Variants in MAMDC2 observed in about 807,000 individuals in gnomAD.
MAMDC2 encodes MAM domain-containing protein 2.
A neutral mutation model predicts 89.8 loss-of-function variants in MAMDC2; 57 were observed. The observed-to-expected ratio is 0.63, with a 90% CI of 0.51 to 0.79. The LOEUF (loss-of-function observed/expected upper bound fraction) is 0.79, where lower values mean the gene tolerates loss of function less well. Ranked by LOEUF, MAMDC2 falls within the 30% of genes least tolerant of loss-of-function variation. The pLI, the probability that MAMDC2 is intolerant of heterozygous loss-of-function variation, is 0.00. For synonymous variants in MAMDC2, 313 were observed against 293.4 expected (o/e 1.07, Z -0.68); for missense variants, 800 against 820.6 (o/e 0.97, Z 0.31).
At chr9:70,223,635 T>A (rs984897837) in intron 12 of MAMDC2, among the ~76,000 whole-genome samples, 1 of 152,218 alleles carries the variant, frequency 6.6e-6, no homozygotes, top group African/African-American at 2.4e-5. Context: ...CCTTAAAATT[T>A]CAAACTATCC....
At chr9:70,066,588 C>T (rs887153241) in intron 2 of MAMDC2, among the ~76,000 whole-genome samples, 2 of 152,086 alleles carry the variant, frequency 1.3e-5, no homozygotes, top group Admixed American at 6.6e-5. Flanking sequence ...TACTGCAGGG[C>T]CATGGTGTAT....
intron 11 of MAMDC2, among the ~76,000 whole-genome samples, chr9:70,191,218 T>G (rs939276196): frequency 4.6e-5 from 7 of 152,072 alleles, no homozygotes; most frequent in Admixed American, 6.6e-5. Context: ...ATTGTGACAG[T>G]TTTTTTGCAA....
At chr9:70,192,774 T>G (rs1477323906) in intron 11 of MAMDC2, among the ~76,000 whole-genome samples, 3 of 152,122 alleles carry the variant, frequency 2.0e-5, no homozygotes, top group African/African-American at 7.2e-5. Flanking sequence ...AACGGGATTT[T>G]GCAGTAGGGA....
chr9:70,143,465 C>A, intron 8 of MAMDC2, 89 bp from the exon 9 acceptor site: 3 of 1,409,076 alleles, frequency 2.1e-6, no homozygotes, highest in Middle Eastern at 1.9e-4. Flanking sequence ...ATAGTCTTTG[C>A]TGTCTAGTTC....
At chr9:70,136,445 AAG>A (rs2031015376) in intron 7 of MAMDC2, among the ~76,000 whole-genome samples, 1 of 152,186 alleles carries the variant, frequency 6.6e-6, no homozygotes, top group Admixed American at 6.5e-5. Context: ...TCACCTACTG[AAG>A]GACATAGCTT....
At chr9:70,143,440 T>C in intron 8 of MAMDC2, 114 bp from the exon 9 acceptor site, 1 of 1,196,322 alleles carries the variant, frequency 8.4e-7, no homozygotes, top group South Asian at 1.5e-5. Context: ...CTTTCTATCA[T>C]TTAAAGCATA....
At chr9:70,212,956 A>G (rs2118672393) in intron 11 of MAMDC2, among the ~76,000 whole-genome samples, 1 of 152,292 alleles carries the variant, frequency 6.6e-6, no homozygotes, top group Middle Eastern at 3.4e-3. Flanking sequence ...ATTTAGTTAG[A>G]GTCCAAACCT....
chr9:70,158,673 CACTT>C (rs2031854599), intron 9 of MAMDC2, among the ~76,000 whole-genome samples: 1 of 151,760 alleles, frequency 6.6e-6, no homozygotes, highest in Non-Finnish European at 1.5e-5. Flanking sequence ...AGTCATGTAT[CACTT>C]AATGATAAGG....
At chr9:70,168,279 G>A (rs62570306) in intron 9 of MAMDC2, among the ~76,000 whole-genome samples, 20,762 of 152,128 alleles carry the variant, frequency 0.14, 1,687 homozygotes, top group African/African-American at 0.23. Flanking sequence ...ATCACCTGAG[G>A]TCAGGAGTTT....
At chr9:70,051,332 C>T (rs1826888722) in intron 2 of MAMDC2, among the ~76,000 whole-genome samples, 1 of 152,170 alleles carries the variant, frequency 6.6e-6, no homozygotes, top group Non-Finnish European at 1.5e-5. Context: ...CAAATCCTGG[C>T]CTGATCCCTA....
intron 2 of MAMDC2, among the ~76,000 whole-genome samples, chr9:70,078,353 C>A (rs1344532508): frequency 6.6e-6 from 1 of 152,160 alleles, no homozygotes; most frequent in African/African-American, 2.4e-5. Context: ...TATGCTACGT[C>A]AACCTAAAGT....
intron 11 of MAMDC2, among the ~76,000 whole-genome samples, chr9:70,186,500 T>A (rs2032757404): frequency 6.6e-6 from 1 of 152,220 alleles, no homozygotes; most frequent in South Asian, 2.1e-4. Context: ...TTCCATCATA[T>A]CTATTGAGAA....
rs2031299893 is a variant in MAMDC2 at position 70,143,642 on chromosome 9, G to T, written c.1227G>T (p.Gln409His). 1 of 1,614,068 alleles carries T rather than the reference G, an allele frequency of 6.2e-7. No homozygotes were observed. Among genetic ancestry groups the T allele is most frequent in the African/African-American group, 1.3e-5 (1 of 74,926 alleles). The change falls in exon 9 of 14, where the codon CAG becomes CAT. Residue 409 changes from glutamine (Q) to histidine (H), a missense_variant. Coordinates refer to ENST00000377182, the MANE Select transcript of MAMDC2 (RefSeq NM_153267.5). ...GGCCCTCCCTACCAGGAAACTTGCA[G>T]TATTGTCTGCGTTTTCATTATGCCA... is the stretch of plus-strand genomic sequence containing the variant. ...LYGPSLPGNLQYCLRFHYAIY... is the reference protein window; with the variant it reads ...LYGPSLPGNLHYCLRFHYAIY...
intron 9 of MAMDC2, among the ~76,000 whole-genome samples, chr9:70,164,286 T>A (rs965416209): frequency 2.0e-5 from 3 of 152,194 alleles, no homozygotes; most frequent in African/African-American, 7.2e-5. Flanking sequence ...CTGTTGTGGA[T>A]TTTAAAAAGC....
rs1216523643 is a variant in MAMDC2, at chr9:70,225,991, T to C, written c.2020T>C (p.Ser674Pro). 1.6e-5 allele frequency: 25 copies of C among 1,588,144 alleles called. No homozygotes were observed. Among genetic ancestry groups the C allele is most frequent in the Non-Finnish European group, 2.1e-5 (24 of 1,164,540 alleles). The change falls in exon 14 of 14, where the codon TCA (serine) becomes CCA (proline). Residue 674 changes from serine (S) to proline (P), a missense_variant. Physicochemically the swap from Ser to Pro is moderately conservative, Grantham distance 74. Transcript: ENST00000377182. Reference sequence around the variant, plus strand: ...AGAAATGGAAGATACAACTCAACAATCATCAGGATATTCTGAGGACTTAAA... The same window carrying C: ...AGAAATGGAAGATACAACTCAACAACCATCAGGATATTCTGAGGACTTAAA... Reference protein sequence around the residue: ...CGEMEDTTQQSSGYSEDLNEI... With the variant: ...CGEMEDTTQQPSGYSEDLNEI...
chr9:70,096,452 G>C (rs1828030165), intron 2 of MAMDC2, among the ~76,000 whole-genome samples: 1 of 152,206 alleles, frequency 6.6e-6, no homozygotes, highest in Non-Finnish European at 1.5e-5. Context: ...AAAGAGGGAG[G>C]AAAGGAGAGG....
At chr9:70,223,036 G>A (rs963355431) in intron 12 of MAMDC2, among the ~76,000 whole-genome samples, 2 of 150,258 alleles carry the variant, frequency 1.3e-5, no homozygotes, top group Admixed American at 6.7e-5. Flanking sequence ...CTACTAAGGC[G>A]CCTAAGGCAA....
chr9:70,117,904 T>A (rs1369445862), intron 5 of MAMDC2, among the ~76,000 whole-genome samples: 1 of 152,180 alleles, frequency 6.6e-6, no homozygotes, highest in Non-Finnish European at 1.5e-5. Context: ...CTTGCAAGCA[T>A]GCACAGTAAT....
intron 5 of MAMDC2, among the ~76,000 whole-genome samples, chr9:70,115,003 A>G (rs1363590701): frequency 6.6e-6 from 1 of 152,206 alleles, no homozygotes; most frequent in Non-Finnish European, 1.5e-5. Context: ...GTTGTGCTAC[A>G]AGGGGTGGAT....
Sources: gnomAD v4.1 joint callset for allele counts (sites outside exome capture counted in the v4.1 genomes callset) on GRCh38, gnomAD v4.1.1 for gene constraint, MANE v1.5 for transcripts, NCBI Gene and HGNC (gene_info 2026-07-23, HGNC 2026-07-21) for gene names.